The following MED13L variants were observed in gnomAD, a reference collection of about 807,000 sequenced individuals.
The protein encoded by MED13L is mediator complex subunit 13L, also known as mediator of RNA polymerase II transcription subunit 13-like.
MED13L carries 7 observed loss-of-function variants against 220.9 expected under a neutral mutation model. The observed-to-expected ratio is 0.03, with a 90% CI of 0.02 to 0.06. The LOEUF is 0.06. Ranked by LOEUF, MED13L falls within the 10% of genes least tolerant of loss-of-function variation. MED13L has a pLI of 1.00. For synonymous variants in MED13L, 1,011 were observed against 1,015.2 expected (o/e 1.00, Z 0.08); for missense variants, 1,965 against 2,760.5 (o/e 0.71, Z 6.46).
At chr12:116,039,796 G>C (rs1881413819) in intron 4 of MED13L, among the ~76,000 whole-genome samples, 1 of 152,110 alleles carries the variant, frequency 6.6e-6, no homozygotes, top group South Asian at 2.1e-4. Flanking sequence ...TTAGAAACAG[G>C]GCTGACATGA....
At chr12:116,235,481 T>C (rs1208157994) in intron 2 of MED13L, among the ~76,000 whole-genome samples, 1 of 152,150 alleles carries the variant, frequency 6.6e-6, no homozygotes, top group Non-Finnish European at 1.5e-5. Flanking sequence ...CTAAAACTCT[T>C]TCAGACTTCA....
intron 14 of MED13L, among the ~76,000 whole-genome samples, chr12:115,997,809 T>C (rs1393314086): frequency 3.9e-5 from 6 of 152,228 alleles, no homozygotes; most frequent in Non-Finnish European, 7.3e-5. Flanking sequence ...AACTTGTATG[T>C]TTCTTCCAAC....
intron 4 of MED13L, among the ~76,000 whole-genome samples, chr12:116,049,066 C>A (rs552376753): frequency 1.6e-4 from 24 of 152,304 alleles, no homozygotes; most frequent in African/African-American, 5.5e-4. Flanking sequence ...CAAAGACCAG[C>A]CCTTTCTACT....
At chr12:116,063,380 T>C (rs1456109494) in intron 4 of MED13L, among the ~76,000 whole-genome samples, 4 of 152,188 alleles carry the variant, frequency 2.6e-5, no homozygotes, top group East Asian at 1.9e-4. Flanking sequence ...TAGCTGGGCA[T>C]AGTAGCCTGT....
intron 17 of MED13L, among the ~76,000 whole-genome samples, chr12:115,987,634 AATT>A (rs1368845202): frequency 6.6e-6 from 1 of 152,220 alleles, no homozygotes; most frequent in Non-Finnish European, 1.5e-5. Flanking sequence ...AAAGTTTCTT[AATT>A]ATTACTTTTA....
chr12:116,244,226 T>C (rs999230290), intron 1 of MED13L, among the ~76,000 whole-genome samples: 8 of 152,204 alleles, frequency 5.3e-5, no homozygotes, highest in Non-Finnish European at 1.0e-4. Context: ...AGTAAACATA[T>C]TAAGTCACCT....
intron 5 of MED13L, among the ~76,000 whole-genome samples, chr12:116,020,227 G>A (rs1325011930): frequency 6.6e-6 from 1 of 152,134 alleles, no homozygotes; most frequent in East Asian, 1.9e-4. Flanking sequence ...AGCCACAAAA[G>A]TATGATATTT....
chr12:116,272,843 C>A (rs1471380419), intron 1 of MED13L, among the ~76,000 whole-genome samples: 1 of 152,146 alleles, frequency 6.6e-6, no homozygotes, highest in Admixed American at 6.5e-5. Flanking sequence ...AAATTGCTGT[C>A]TATTATGTAC....
chr12:115,997,324 G>A, intron 14 of MED13L, 94 bp from the exon 15 acceptor site: 1 of 956,080 alleles, frequency 1.0e-6, no homozygotes, highest in Non-Finnish European at 1.6e-6. Flanking sequence ...ACCAAAAATA[G>A]TGCTAATTAA....
chr12:116,106,330 A>G (rs1353573825), intron 3 of MED13L, among the ~76,000 whole-genome samples: 1 of 152,180 alleles, frequency 6.6e-6, no homozygotes, highest in East Asian at 1.9e-4. Context: ...CAAAGAACGA[A>G]AAATGCAGGA....
intron 2 of MED13L, among the ~76,000 whole-genome samples, chr12:116,228,530 C>T (rs1174145132): frequency 6.6e-6 from 1 of 152,152 alleles, no homozygotes; most frequent in Non-Finnish European, 1.5e-5. Flanking sequence ...CAGAAGAGGA[C>T]ACTCGTTCAT....
chr12:115,974,599 G>A (rs557639779), intron 25 of MED13L, among the ~76,000 whole-genome samples: 20 of 152,350 alleles, frequency 1.3e-4, no homozygotes, highest in Non-Finnish European at 2.8e-4. Flanking sequence ...AATATAAGCA[G>A]TGGTAGTTGG....
chr12:116,102,710 C>CTTTTTTTTTTTTTTTTT (rs869201518), intron 3 of MED13L, among the ~76,000 whole-genome samples: 55 of 68,678 alleles, frequency 8.0e-4, no homozygotes, highest in Non-Finnish European at 9.7e-4. Context: ...TTTCTTTTTT[C>CTTTTTTTTTTTTTTTTT]TTTTTTTTTT....
In MED13L at chr12:116,022,629, CT is replaced by C. The variant is rs750137986; in HGVS notation, c.480-29del. 14 of 1,603,544 alleles carry C rather than the reference CT, an allele frequency of 8.7e-6. No individual in the cohort carries two copies. In the African/African-American group the frequency reaches 1.6e-4, roughly 18 times the overall value. ...ACAAAAGAGAGAATGAGAAACTCAA[CT>C]TTATATTTTGGTAGGAAAGGGTGCT... On this transcript the variant is annotated intron_variant, in intron 4 of 30. Transcript: ENST00000281928.
intron 2 of MED13L, among the ~76,000 whole-genome samples, chr12:116,212,940 G>T (rs1249782490): frequency 6.6e-6 from 1 of 152,164 alleles, no homozygotes; most frequent in Admixed American, 6.5e-5. Context: ...CATTAGATCA[G>T]GCAGACTATC....
intron 2 of MED13L, among the ~76,000 whole-genome samples, chr12:116,175,026 C>T (rs756209764): frequency 2.6e-5 from 4 of 152,162 alleles, no homozygotes; most frequent in Non-Finnish European, 5.9e-5. Flanking sequence ...CACACCACTG[C>T]ACTCCAGCCT....
chr12:115,994,875 T>A (rs1445663130), intron 16 of MED13L, among the ~76,000 whole-genome samples: 5 of 152,188 alleles, frequency 3.3e-5, no homozygotes. Context: ...CATTGTTATT[T>A]CCACGGTACT....
chr12:115,987,110 G>A lies in MED13L; in HGVS notation c.4113C>T (p.Tyr1371=), dbSNP rs767543191. The change falls in exon 18 of 31, where the codon TAC becomes TAT. Residue 1371 remains tyrosine, a splice_region_variant and synonymous_variant. Transcript: ENST00000281928. The part of the protein sequence containing the change: ...QFHKMAGRGT[Y]GSEESPEPLP... ...TTTTAAACAGGACAAAGACCCTACCGTAGGTTCCCCGTCCTGCCATTTTAT... is the reference window on the plus strand; with the variant it reads ...TTTTAAACAGGACAAAGACCCTACCATAGGTTCCCCGTCCTGCCATTTTAT... 9 of 1,614,046 alleles carry A rather than the reference G, an allele frequency of 5.6e-6. No homozygotes were observed. Among genetic ancestry groups the A allele is most frequent in the South Asian group, 2.2e-5 (2 of 91,082 alleles).
chr12:115,990,167 G>A (rs966254604), intron 17 of MED13L, among the ~76,000 whole-genome samples: 4 of 152,076 alleles, frequency 2.6e-5, no homozygotes, highest in Non-Finnish European at 5.9e-5. Context: ...CACATGCCTC[G>A]CTCCCCATTC....
Sources: gnomAD v4.1 joint callset for allele counts (sites outside exome capture counted in the v4.1 genomes callset) on GRCh38, gnomAD v4.1.1 for gene constraint, MANE v1.5 for transcripts, NCBI Gene and HGNC (gene_info 2026-07-23, HGNC 2026-07-21) for gene names.